RPA3: variants seen among roughly 807,000 people sequenced by gnomAD.
The protein encoded by RPA3 is replication protein A 14 kDa subunit.
RPA3 carries 24 observed loss-of-function variants against 13.7 expected under a neutral mutation model. The observed-to-expected ratio is 1.75, with a 90% CI of 1.27 to 2.46. The LOEUF (loss-of-function observed/expected upper bound fraction) is 2.46, where lower values mean the gene tolerates loss of function less well. RPA3 is among the 30% of genes most tolerant of loss of function. The pLI is 0.00. For missense variants in RPA3, 183 were observed against 151.0 expected, an observed-to-expected ratio of 1.21 and a Z score of -1.11; for synonymous variants, 59 against 51.2, an observed-to-expected ratio of 1.15 and a Z score of -0.65.
At chr7:7,657,273 T>G (rs1785366178) in intron 4 of RPA3, among the ~76,000 whole-genome samples, 1 of 152,174 alleles carries the variant, frequency 6.6e-6, no homozygotes, top group South Asian at 2.1e-4. Context: ...GCCAGTTCAC[T>G]CTGATGATAG....
rs560091788 is a variant in RPA3 at position 7,649,017 on chromosome 7, G to A, written c.-757-7842C>T. On this transcript the variant is annotated intron_variant, in intron 4 of 7. Transcript: ENST00000223129. ...TACTAAAAGTACAAAAATTAGCCAGGCATGGTGGCGGATGCCTGTAATCCC... is the reference window on the plus strand; with the variant it reads ...TACTAAAAGTACAAAAATTAGCCAGACATGGTGGCGGATGCCTGTAATCCC... Among the ~76,000 whole-genome samples, 4 of 152,118 alleles carry A rather than the reference G, an allele frequency of 2.6e-5. No homozygotes were observed. The East Asian group carries it at 5.8e-4, about 22-fold the overall frequency.
chr7:7,668,120 C>G (rs769051280), intron 4 of RPA3, among the ~76,000 whole-genome samples: 1 of 151,874 alleles, frequency 6.6e-6, no homozygotes, highest in Non-Finnish European at 1.5e-5. Flanking sequence ...CGTCATGTTG[C>G]CCAGGCTGGT....
chr7:7,652,543 A>G (rs150484868), intron 4 of RPA3, among the ~76,000 whole-genome samples: 1 of 152,368 alleles, frequency 6.6e-6, no homozygotes, highest in Non-Finnish European at 1.5e-5. Flanking sequence ...TGCTGGTTTT[A>G]TACAGGACTT....
At chr7:7,637,111 A>T in intron 7 of RPA3, 29 bp from the exon 8 acceptor site, 1 of 1,433,118 alleles carries the variant, frequency 7.0e-7, no homozygotes, top group East Asian at 2.3e-5. Flanking sequence ...CAAACATTTA[A>T]TCTACAATGG....
chr7:7,663,061 C>A (rs1380011748), intron 4 of RPA3, among the ~76,000 whole-genome samples: 2 of 151,972 alleles, frequency 1.3e-5, no homozygotes, highest in African/African-American at 2.4e-5. Context: ...CTTATTATAA[C>A]CCAGCACAGG....
chr7:7,681,136 C>G (rs1004506431), intron 4 of RPA3, among the ~76,000 whole-genome samples: 5 of 152,112 alleles, frequency 3.3e-5, no homozygotes, highest in Non-Finnish European at 5.9e-5. Context: ...AATATGGACA[C>G]CACAGAATTT....
At chr7:7,695,508 A>G (rs762139406) in intron 2 of RPA3, among the ~76,000 whole-genome samples, 2 of 152,108 alleles carry the variant, frequency 1.3e-5, no homozygotes, top group African/African-American at 2.4e-5. Context: ...TTTCCTTGTT[A>G]CTTTCAGGCA....
intron 2 of RPA3, among the ~76,000 whole-genome samples, chr7:7,711,567 CTT>C (rs1361754377): frequency 6.6e-6 from 1 of 151,994 alleles, no homozygotes; most frequent in Non-Finnish European, 1.5e-5. Context: ...AAAATGGTAT[CTT>C]GTGTTTTTAA....
At chr7:7,683,679 G>C (rs370710815) in intron 4 of RPA3, among the ~76,000 whole-genome samples, 1 of 151,616 alleles carries the variant, frequency 6.6e-6, no homozygotes, top group Non-Finnish European at 1.5e-5. Flanking sequence ...CTGGAGTGCA[G>C]TGGCATGGTC....
intron 4 of RPA3, among the ~76,000 whole-genome samples, chr7:7,676,393 TC>T (rs560959590): frequency 5.9e-5 from 9 of 152,208 alleles, no homozygotes; most frequent in Non-Finnish European, 1.3e-4. Flanking sequence ...TTTCCAAGTT[TC>T]TCCAGTTAGT....
In RPA3 at chr7:7,685,962, G is replaced by A. The variant is rs1005623041; in HGVS notation, c.-890C>T. On this transcript the variant is annotated 5_prime_UTR_variant, in exon 4 of 8. Transcript: ENST00000223129. ...TCTATCCCAGGTGCTCTCCTGCTTG[G>A]TTAGGGATGCTCCAGATTCCTGGGC... 6.6e-6 allele frequency: 1 copy of A among 152,144 alleles called. No homozygotes were observed. Among genetic ancestry groups the A allele is most frequent in the African/African-American group, 2.4e-5 (1 of 41,430 alleles). 9.4% of individuals were successfully genotyped at this position (152,144 alleles called of 1,614,324 possible).
chr7:7,644,641 C>T (rs372637510), intron 4 of RPA3, among the ~76,000 whole-genome samples: 4 of 151,984 alleles, frequency 2.6e-5, no homozygotes, highest in South Asian at 4.1e-4. Context: ...ACCTTTTTGC[C>T]ACCTTCACTT....
chr7:7,646,921 A>G (rs891042443), intron 4 of RPA3, among the ~76,000 whole-genome samples: 4 of 152,160 alleles, frequency 2.6e-5, no homozygotes, highest in African/African-American at 9.7e-5. Flanking sequence ...TTTGGGTGCA[A>G]AAACAGCCTG....
chr7:7,684,312 A>G (rs1308196685), intron 4 of RPA3, among the ~76,000 whole-genome samples: 1 of 150,994 alleles, frequency 6.6e-6, no homozygotes, highest in Non-Finnish European at 1.5e-5. Context: ...AGCAATTCTC[A>G]TGCCTCAGAG....
chr7:7,676,434 A>G lies in RPA3; in HGVS notation c.-758+9396T>C, dbSNP rs543045357. On this transcript the variant is annotated intron_variant, in intron 4 of 7. Transcript: ENST00000223129. The stretch of plus-strand genomic sequence containing the variant: ...AGCAGATCTGGAATTAGCCCAGGCA[A>G]TCTGACTTCAGAACCTATCCTCTAA... 3.9e-5 allele frequency among the ~76,000 whole-genome samples: 6 copies of G among 152,328 alleles called. No individual in the cohort carries two copies. The South Asian group carries it at 8.3e-4, about 21-fold the overall frequency.
chr7:7,646,985 C>T (rs1290944217), intron 4 of RPA3, among the ~76,000 whole-genome samples: 2 of 152,110 alleles, frequency 1.3e-5, no homozygotes, highest in African/African-American at 4.8e-5. Flanking sequence ...CGCCAGGGAC[C>T]CCACCCTTCT....
chr7:7,653,636 G>C (rs1408754150), intron 4 of RPA3, among the ~76,000 whole-genome samples: 1 of 152,162 alleles, frequency 6.6e-6, no homozygotes, highest in African/African-American at 2.4e-5. Context: ...TGAAGAAAAG[G>C]GCAGTATTCT....
intron 4 of RPA3, among the ~76,000 whole-genome samples, chr7:7,672,741 A>G (rs553257870): frequency 4.7e-4 from 72 of 152,310 alleles, no homozygotes; most frequent in African/African-American, 1.6e-3. Flanking sequence ...CTGTGAGTCA[A>G]TTAAATCTCC....
chr7:7,701,028 C>T (rs76537944), intron 2 of RPA3, among the ~76,000 whole-genome samples: 11,623 of 152,220 alleles, frequency 0.076, 576 homozygotes, highest in Admixed American at 0.098. Flanking sequence ...CCAGCATGGG[C>T]AACAGAGGGA....
Sources: gnomAD v4.1 joint callset for allele counts (sites outside exome capture counted in the v4.1 genomes callset) on GRCh38, gnomAD v4.1.1 for gene constraint, MANE v1.5 for transcripts, NCBI Gene and HGNC (gene_info 2026-07-23, HGNC 2026-07-21) for gene names.